DTNA: variants seen among roughly 807,000 people sequenced by gnomAD.
DTNA encodes dystrobrevin alpha.
In DTNA, 43 loss-of-function variants were observed where a neutral mutation model predicts 100.7. The observed-to-expected ratio is 0.43, with a 90% CI of 0.33 to 0.55. The LOEUF (loss-of-function observed/expected upper bound fraction) is 0.55, where lower values mean the gene tolerates loss of function less well. Among genes scored for constraint, DTNA ranks in the 20% least tolerant of loss-of-function variants. DTNA has a pLI of 0.04. For synonymous variants in DTNA, 349 were observed against 347.9 expected, an observed-to-expected ratio of 1.00 and a Z score of -0.04; for missense variants, 798 against 953.9, an observed-to-expected ratio of 0.84 and a Z score of 2.15.
chr18:34,818,641 A>T lies in DTNA; in HGVS notation c.876+311A>T, dbSNP rs185407416. On this transcript the variant is annotated intron_variant, in intron 8 of 22. Coordinates refer to ENST00000444659, the MANE Select transcript of DTNA (RefSeq NM_001386795.1). The stretch of plus-strand genomic sequence containing the variant: ...AGGACCTTCTGGAACATAATCTTAC[A>T]TTCACAGTAAGTTAAAATCTTTTCC... 12 of 1,164,794 alleles carry T rather than the reference A, an allele frequency of 1.0e-5. 1 individual carries two copies. In the Admixed American group the frequency reaches 4.8e-4, roughly 46 times the overall value. The allele number at this position is 1,164,794 out of a possible 1,614,324, so 72.2% of individuals were successfully genotyped here. A position where few individuals can be genotyped will look rare whatever the true frequency, so the allele number is the denominator to read the frequency against.
chr18:34,630,871 A>G (rs1410982507), intron 1 of DTNA, among the ~76,000 whole-genome samples: 1 of 152,162 alleles, frequency 6.6e-6, no homozygotes, highest in East Asian at 1.9e-4. Flanking sequence ...GTAAAAGATA[A>G]AGCTGTGAAA....
intron 1 of DTNA, among the ~76,000 whole-genome samples, chr18:34,518,704 CGTGTGT>C (rs57035462): frequency 0.035 from 4,291 of 121,510 alleles, 135 homozygotes; most frequent in African/African-American, 0.087. Flanking sequence ...ATTTGGCAAA[CGTGTGT>C]GTGTGTGTGT....
chr18:34,828,936 T>A (rs9946576), intron 10 of DTNA: 2 of 1,276,194 alleles, frequency 1.6e-6, no homozygotes, highest in South Asian at 1.2e-5. Flanking sequence ...GAAGACCTGA[T>A]GTGATGTTTA....
chr18:34,512,800 T>C (rs554353328), intron 1 of DTNA, among the ~76,000 whole-genome samples: 2 of 152,106 alleles, frequency 1.3e-5, no homozygotes, highest in Admixed American at 6.6e-5. Context: ...TACATAAGCA[T>C]TGTTTGCATC....
At chr18:34,550,310 A>C (rs1465951497) in intron 1 of DTNA, among the ~76,000 whole-genome samples, 1 of 152,020 alleles carries the variant, frequency 6.6e-6, no homozygotes. Context: ...TGAGCAGAGT[A>C]CTCCTGAGTC....
At chr18:34,838,221 A>T in intron 12 of DTNA, 50 bp downstream of exon 12, 1 of 1,593,676 alleles carries the variant, frequency 6.3e-7, no homozygotes, top group Non-Finnish European at 8.6e-7. Flanking sequence ...TAAACTAAAA[A>T]TGGAGATTTC....
At chr18:34,580,183 A>G (rs2048480424) in intron 1 of DTNA, among the ~76,000 whole-genome samples, 2 of 151,992 alleles carry the variant, frequency 1.3e-5, no homozygotes, top group Non-Finnish European at 2.9e-5. Flanking sequence ...GATAATGCCC[A>G]TATATCTATT....
At chr18:34,621,267 G>GTA (rs2056453844) in intron 1 of DTNA, among the ~76,000 whole-genome samples, 5 of 149,626 alleles carry the variant, frequency 3.3e-5, no homozygotes, top group South Asian at 2.1e-4. Context: ...GATTGTGTGT[G>GTA]TATATATATA....
chr18:34,553,218 TG>T (rs1458944260), intron 1 of DTNA, among the ~76,000 whole-genome samples: 1 of 151,852 alleles, frequency 6.6e-6, no homozygotes, highest in Non-Finnish European at 1.5e-5. Context: ...CACTTTTTGA[TG>T]GGGTTGTTTG....
chr18:34,498,391 C>T (rs1169553458), intron 1 of DTNA, among the ~76,000 whole-genome samples: 1 of 150,552 alleles, frequency 6.6e-6, no homozygotes, highest in Non-Finnish European at 1.5e-5. Context: ...CGAGATCGCG[C>T]CACTGTGCTC....
intron 16 of DTNA, among the ~76,000 whole-genome samples, chr18:34,860,423 C>CT (rs906170881): frequency 2.0e-5 from 3 of 152,044 alleles, no homozygotes; most frequent in South Asian, 2.1e-4. Flanking sequence ...ATCTATAACT[C>CT]TGAGTCATAC....
chr18:34,664,955 T>TTATCTTC (rs939552649), intron 1 of DTNA, among the ~76,000 whole-genome samples: 1 of 151,932 alleles, frequency 6.6e-6, no homozygotes, highest in East Asian at 1.9e-4. Context: ...ATTAAATGAT[T>TTATCTTC]TATCTTCTAT....
intron 1 of DTNA, among the ~76,000 whole-genome samples, chr18:34,681,360 A>G (rs1234350937): frequency 6.6e-6 from 1 of 152,140 alleles, no homozygotes; most frequent in African/African-American, 2.4e-5. Flanking sequence ...CTTTATACTA[A>G]GACATTGAGA....
intron 19 of DTNA, 117 bp from the exon 20 acceptor site, chr18:34,879,434 T>C: frequency 1.0e-6 from 1 of 980,040 alleles, no homozygotes; most frequent in East Asian, 2.6e-5. Context: ...GATTAAAATA[T>C]GATAACTGGT....
intron 1 of DTNA, among the ~76,000 whole-genome samples, chr18:34,657,383 A>T (rs2074539997): frequency 6.6e-6 from 1 of 152,188 alleles, no homozygotes; most frequent in Non-Finnish European, 1.5e-5. Context: ...TTTTAAAAAA[A>T]CTTGTCAAAA....
At chr18:34,690,063 G>A (rs185188797) in intron 1 of DTNA, among the ~76,000 whole-genome samples, 7 of 152,336 alleles carry the variant, frequency 4.6e-5, no homozygotes, top group Admixed American at 1.3e-4. Context: ...CAAGCCAGTG[G>A]ATCTTAGTTT....
chr18:34,612,244 A>G (rs532016618), intron 1 of DTNA, among the ~76,000 whole-genome samples: 4 of 152,162 alleles, frequency 2.6e-5, no homozygotes, highest in Non-Finnish European at 5.9e-5. Flanking sequence ...CCTTGAGCCT[A>G]GGACCTCTGG....
rs532848374 is a variant in DTNA at position 34,829,489 on chromosome 18, G to A, written c.1175G>A (p.Arg392His). The A allele has an allele frequency of 2.8e-5, 42 of 1,516,002 alleles. No homozygotes were observed. Among genetic ancestry groups the A allele is most frequent in the Admixed American group, 6.0e-5 (3 of 50,188 alleles). The allele number at this position is 1,516,002 out of a possible 1,614,324, so 93.9% of individuals were successfully genotyped here. A position where few individuals can be genotyped will look rare whatever the true frequency, so the allele number is the denominator to read the frequency against. ...LYVNQLDHGARSPPKDSEVEQ... is the reference protein window; with the variant it reads ...LYVNQLDHGAHSPPKDSEVEQ... ...GTAAATCAGCTTGATCACGGTGCACGGTCAGTATCCCAGCCCTGAATTGCT... is the reference window on the plus strand; with the variant it reads ...GTAAATCAGCTTGATCACGGTGCACAGTCAGTATCCCAGCCCTGAATTGCT... Residue 392 changes from arginine to histidine, a missense_variant and splice_region_variant, in exon 11 of 23, where the codon CGC (arginine) becomes CAC (histidine). Arg to His is a conservative substitution (Grantham distance 29). Transcript: ENST00000444659.
chr18:34,656,040 CTT>C (rs1267630712), intron 1 of DTNA, among the ~76,000 whole-genome samples: 6 of 152,332 alleles, frequency 3.9e-5, no homozygotes, highest in African/African-American at 7.2e-5. Flanking sequence ...AACTGCTTCT[CTT>C]GCTGCAGATG....
Sources: gnomAD v4.1 joint callset for allele counts (sites outside exome capture counted in the v4.1 genomes callset) on GRCh38, gnomAD v4.1.1 for gene constraint, MANE v1.5 for transcripts, NCBI Gene and HGNC (gene_info 2026-07-23, HGNC 2026-07-21) for gene names.